SPTBN1: variants seen among roughly 807,000 people sequenced by gnomAD.
SPTBN1 encodes spectrin beta, non-erythrocytic 1.
A neutral mutation model predicts 266.4 loss-of-function variants in SPTBN1; 32 were observed. The observed-to-expected ratio is 0.12, with a 90% CI of 0.09 to 0.16. SPTBN1 has a LOEUF of 0.16. SPTBN1 is among the 10% of genes least tolerant of loss of function. The pLI is 1.00. For missense variants in SPTBN1, 2,296 were observed against 3,067.1 expected (o/e 0.75, Z 5.94); for synonymous variants, 1,336 against 1,162.2 (o/e 1.15, Z -3.04).
intron 1 of SPTBN1, among the ~76,000 whole-genome samples, chr2:54,494,841 A>C (rs888059073): frequency 6.6e-6 from 1 of 152,154 alleles, no homozygotes; most frequent in Non-Finnish European, 1.5e-5. Flanking sequence ...ACAGGTATAT[A>C]CATAGGTCAA....
intron 5 of SPTBN1, among the ~76,000 whole-genome samples, chr2:54,617,371 A>G (rs774790239): frequency 2.0e-5 from 3 of 152,234 alleles, no homozygotes; most frequent in Non-Finnish European, 2.9e-5. Context: ...CACAGTTCAC[A>G]TCTTTTGTGA....
At chr2:54,550,579 A>G (rs1429181651) in intron 2 of SPTBN1, among the ~76,000 whole-genome samples, 1 of 152,206 alleles carries the variant, frequency 6.6e-6, no homozygotes, top group Non-Finnish European at 1.5e-5. Context: ...AATTGCATAG[A>G]TAAGACCGAA....
chr2:54,463,660 T>C (rs1693484080), intron 1 of SPTBN1, among the ~76,000 whole-genome samples: 1 of 152,250 alleles, frequency 6.6e-6, no homozygotes, highest in Non-Finnish European at 1.5e-5. Context: ...TCACAATAAA[T>C]TTTAATGATT....
chr2:54,618,272 A>C, intron 7 of SPTBN1, 79 bp downstream of exon 7: 7 of 1,236,168 alleles, frequency 5.7e-6, no homozygotes, highest in Non-Finnish European at 8.0e-6. Context: ...GTTTTGTGTC[A>C]GTCTGTTTCA....
At chr2:54,661,792 A>G in intron 32 of SPTBN1, 1 of 985,412 alleles carries the variant, frequency 1.0e-6, no homozygotes, top group Non-Finnish European at 1.2e-6. Context: ...ACCCAATTTG[A>G]CACTTTTTGT....
intron 1 of SPTBN1, among the ~76,000 whole-genome samples, chr2:54,510,241 C>G (rs866945989): frequency 1.1e-4 from 17 of 152,094 alleles, no homozygotes; most frequent in Non-Finnish European, 2.1e-4. Context: ...CCACTGTGCC[C>G]GGCCATTCTT....
At position 54,497,970 on chromosome 2, in the gene SPTBN1, AAAAC is replaced by A. The variant is rs1242051059; in HGVS notation, c.-47-28399_-47-28396del. On this transcript the variant is annotated intron_variant, in intron 1 of 35. Coordinates refer to ENST00000356805, the MANE Select transcript of SPTBN1 (RefSeq NM_003128.3). Reference sequence around the variant, plus strand: ...GAAGAGTAGAGAATAACAAAGGAAAAAAACAAGCCCTCCAGTTGGCATTCTTGTT... The same window carrying A: ...GAAGAGTAGAGAATAACAAAGGAAAAAAGCCCTCCAGTTGGCATTCTTGTT... 3.9e-5 allele frequency among the ~76,000 whole-genome samples: 6 copies of A among 152,330 alleles called. No individual in the cohort carries two copies. The South Asian group carries it at 1.0e-3, about 26-fold the overall frequency.
chr2:54,589,512 TCAGA>T (rs1675526464), intron 2 of SPTBN1, among the ~76,000 whole-genome samples: 2 of 152,332 alleles, frequency 1.3e-5, no homozygotes, highest in African/African-American at 4.8e-5. Context: ...AGTCGGCCCA[TCAGA>T]CAGTTACTAG....
chr2:54,629,986 A>C lies in SPTBN1; in HGVS notation c.2764A>C (p.Ser922Arg). Residue 922 changes from serine (S) to arginine (R), a missense_variant, in exon 15 of 36, where the codon AGT becomes CGT. Physicochemically the swap from Ser to Arg is moderately radical, Grantham distance 110. Transcript: ENST00000356805. Reference sequence around the variant, plus strand: ...CCAGCTGATGCACAGCGGCCACCCAAGTGAGAAGGAAATCAAAGCCCAGCA... The same window carrying C: ...CCAGCTGATGCACAGCGGCCACCCACGTGAGAAGGAAATCAAAGCCCAGCA... Reference protein sequence around the residue: ...ARQLMHSGHPSEKEIKAQQDK... With the variant: ...ARQLMHSGHPREKEIKAQQDK... The C allele has an allele frequency of 1.2e-6, 2 of 1,614,142 alleles. No homozygotes were observed. Among genetic ancestry groups the C allele is most frequent in the Non-Finnish European group, 1.7e-6 (2 of 1,180,024 alleles).
chr2:54,629,633 G>C lies in SPTBN1; in HGVS notation c.2499G>C (p.Glu833Asp). 1 of 1,613,938 alleles carries C rather than the reference G, an allele frequency of 6.2e-7. No individual in the cohort carries two copies. The highest frequency in any genetic ancestry group is 2.2e-5 in the East Asian group (1 of 44,888). The change falls in exon 14 of 36, where the codon GAG (glutamate) becomes GAC (aspartate). Residue 833 changes from glutamate (E) to aspartate (D), a missense_variant. By Grantham distance (45) the Glu-to-Asp change is conservative. Coordinates refer to ENST00000356805, the MANE Select transcript of SPTBN1 (RefSeq NM_003128.3). ...CGGGCATCGAGGAGCGGTATAAGGA[G>C]GTGGCAGAGCTGACGCGGCTGCGGA... ...RLSGIEERYK[E>D]VAELTRLRKQ...
At chr2:54,459,257 C>G (rs1693233615) in intron 1 of SPTBN1, among the ~76,000 whole-genome samples, 1 of 152,194 alleles carries the variant, frequency 6.6e-6, no homozygotes, top group Non-Finnish European at 1.5e-5. Flanking sequence ...GTCACTAGGT[C>G]GTCTCCCACA....
rs141332583 is a variant in SPTBN1 at position 54,631,581 on chromosome 2, G to T, written c.3534G>T (p.Thr1178=). 9.9e-6 allele frequency: 16 copies of T among 1,612,658 alleles called. No individual in the cohort carries two copies. Among genetic ancestry groups the T allele is most frequent in the Admixed American group, 5.0e-5 (3 of 60,004 alleles). The change falls in exon 16 of 36, where the codon ACG becomes ACT. Residue 1178 remains threonine (T), a synonymous_variant. Transcript: ENST00000356805. ...CCTACCAGCAGTTCCTCAGAGACAC[G>T]AAGCAAGCCGAAGCCTTTCTTAACA... ...SHAYQQFLRD[T]KQAEAFLNNQ...
chr2:54,465,454 A>C (rs1230183721), intron 1 of SPTBN1, among the ~76,000 whole-genome samples: 1 of 152,146 alleles, frequency 6.6e-6, no homozygotes, highest in Non-Finnish European at 1.5e-5. Context: ...ACATTTTAAA[A>C]TAAAAATCAC....
intron 3 of SPTBN1, among the ~76,000 whole-genome samples, chr2:54,602,048 A>T (rs762969426): frequency 6.6e-6 from 1 of 152,196 alleles, no homozygotes; most frequent in East Asian, 1.9e-4. Context: ...TCTCGGTCTC[A>T]GGTGTATCAG....
At chr2:54,497,341 GCAAAAACCAT>G (rs1407805311) in intron 1 of SPTBN1, among the ~76,000 whole-genome samples, 17 of 152,008 alleles carry the variant, frequency 1.1e-4, no homozygotes, top group African/African-American at 3.4e-4. Context: ...TTTAGCCACT[GCAAAAACCAT>G]GAATTAGTTT....
At chr2:54,600,047 G>A (rs551266265) in intron 3 of SPTBN1, among the ~76,000 whole-genome samples, 1 of 152,338 alleles carries the variant, frequency 6.6e-6, no homozygotes, top group East Asian at 1.9e-4. Context: ...GACCACATCT[G>A]TACTGACATC....
At chr2:54,492,868 T>A (rs1490015238) in intron 1 of SPTBN1, among the ~76,000 whole-genome samples, 3 of 152,348 alleles carry the variant, frequency 2.0e-5, no homozygotes, top group African/African-American at 7.2e-5. Flanking sequence ...TGTTATGCTA[T>A]TACACTCAGA....
At chr2:54,633,457 T>G (rs992256680) in intron 17 of SPTBN1, among the ~76,000 whole-genome samples, 5 of 148,864 alleles carry the variant, frequency 3.4e-5, no homozygotes, top group African/African-American at 1.3e-4. Context: ...GTCTGAAAGA[T>G]TTCCTCCCCG....
intron 2 of SPTBN1, among the ~76,000 whole-genome samples, chr2:54,539,003 C>T (rs1671779689): frequency 1.3e-5 from 2 of 152,192 alleles, no homozygotes; most frequent in Admixed American, 1.3e-4. Flanking sequence ...GCCCTCTTGC[C>T]TGTATGGTTC....
Sources: gnomAD v4.1 joint callset for allele counts (sites outside exome capture counted in the v4.1 genomes callset) on GRCh38, gnomAD v4.1.1 for gene constraint, MANE v1.5 for transcripts, NCBI Gene and HGNC (gene_info 2026-07-23, HGNC 2026-07-21) for gene names.